Variants in SMARCAL1 observed in about 807,000 individuals in gnomAD.
SMARCAL1 encodes SNF2 related chromatin remodeling annealing helicase 1, also known as ATP-driven annealing helicase.
Under a neutral mutation model 94.5 loss-of-function variants are expected in SMARCAL1, and 58 were observed. The ratio of observed to expected loss-of-function variants is 0.61; its 90% CI spans 0.50 to 0.76. The LOEUF (loss-of-function observed/expected upper bound fraction) is 0.76. SMARCAL1 is among the 30% of genes least tolerant of loss of function. SMARCAL1 has a pLI of 0.00. For missense variants in SMARCAL1, 1,051 were observed against 1,177.9 expected, an observed-to-expected ratio of 0.89 and a Z score of 1.58; for synonymous variants, 422 against 455.1, an observed-to-expected ratio of 0.93 and a Z score of 0.93.
At chr2:216,419,384 G>C (rs984185943) in intron 4 of SMARCAL1, among the ~76,000 whole-genome samples, 2 of 151,990 alleles carry the variant, frequency 1.3e-5, no homozygotes, top group Non-Finnish European at 2.9e-5. Context: ...TTAAAGCATG[G>C]GTTCTTTTTA....
intron 13 of SMARCAL1, among the ~76,000 whole-genome samples, chr2:216,466,062 G>T (rs1440772157): frequency 6.6e-6 from 1 of 152,056 alleles, no homozygotes; most frequent in Non-Finnish European, 1.5e-5. Flanking sequence ...CATCTGAGTT[G>T]CCCCCGCTGA....
At chr2:216,435,815 TG>T (rs58586465) in intron 9 of SMARCAL1, among the ~76,000 whole-genome samples, 5,330 of 152,254 alleles carry the variant, frequency 0.035, 205 homozygotes, top group East Asian at 0.16. Context: ...CCAGGCCACC[TG>T]GGGGCTCTGG....
At chr2:216,446,862 C>T in intron 10 of SMARCAL1, 156 bp from the exon 11 acceptor site, 2 of 759,978 alleles carry the variant, frequency 2.6e-6, no homozygotes, top group Admixed American at 2.0e-5. Context: ...AAGGAGATGC[C>T]ATCTAACTGC....
intron 12 of SMARCAL1, among the ~76,000 whole-genome samples, chr2:216,457,066 T>C: frequency 6.6e-6 from 1 of 152,174 alleles, no homozygotes; most frequent in Non-Finnish European, 1.5e-5. Flanking sequence ...AAACAGACTT[T>C]AAACCAACAA....
intron 10 of SMARCAL1, 22 bp downstream of exon 10, chr2:216,438,507 G>A (rs562074009): frequency 6.2e-7 from 1 of 1,606,398 alleles, no homozygotes; most frequent in South Asian, 1.1e-5. Flanking sequence ...TGAGAACTGA[G>A]CCCACTGAGC....
intron 4 of SMARCAL1, among the ~76,000 whole-genome samples, chr2:216,416,673 A>G (rs1011918256): frequency 1.3e-5 from 2 of 152,196 alleles, no homozygotes; most frequent in African/African-American, 2.4e-5. Context: ...CTGGGATTCA[A>G]ACCCTGACAG....
chr2:216,422,741 C>T (rs1693751609), intron 5 of SMARCAL1, among the ~76,000 whole-genome samples: 1 of 152,180 alleles, frequency 6.6e-6, no homozygotes, highest in Non-Finnish European at 1.5e-5. Flanking sequence ...AGGAATCATA[C>T]AGTGAAGAAT....
chr2:216,461,352 A>G (rs1694697375), intron 12 of SMARCAL1, among the ~76,000 whole-genome samples: 1 of 152,064 alleles, frequency 6.6e-6, no homozygotes, highest in Non-Finnish European at 1.5e-5. Context: ...TTATGTGTGT[A>G]TATGTTGCTT....
intron 10 of SMARCAL1, among the ~76,000 whole-genome samples, chr2:216,444,124 C>T (rs1574463880): frequency 2.6e-5 from 4 of 152,162 alleles, no homozygotes; most frequent in Non-Finnish European, 5.9e-5. Flanking sequence ...CTTCAATGTC[C>T]CTGCCACATC....
rs1429164337 is a variant in SMARCAL1 at position 216,415,278 on chromosome 2, G to A, written c.574G>A (p.Ala192Thr). The part of the protein sequence containing the change: ...GQPPRDAKLE[A>T]KTAKASPSGQ... ...GCCTCCCAGGGATGCTAAGTTAGAG[G>A]CCAAGACAGCAAAAGCCTCCCCTTC... The change falls in exon 3 of 18, where the codon GCC becomes ACC. Residue 192 changes from alanine to threonine, a missense_variant. Physicochemically the swap from Ala to Thr is moderately conservative, Grantham distance 58. Around this residue, in one of 3 missense-constraint regions of SMARCAL1, gnomAD observed 398 missense variants for 395.2 expected, o/e 1.01. Transcript: ENST00000357276. 3.7e-6 allele frequency: 6 copies of A among 1,614,088 alleles called. No homozygotes were observed. Among genetic ancestry groups the A allele is most frequent in the Non-Finnish European group, 3.4e-6 (4 of 1,180,046 alleles).
intron 9 of SMARCAL1, among the ~76,000 whole-genome samples, chr2:216,437,220 T>A (rs1332421091): frequency 1.3e-5 from 2 of 152,270 alleles, no homozygotes; most frequent in Non-Finnish European, 2.9e-5. Flanking sequence ...CCATATCCTC[T>A]GTACTTTCTG....
chr2:216,454,732 G>A (rs1694524245), intron 12 of SMARCAL1, among the ~76,000 whole-genome samples: 1 of 152,176 alleles, frequency 6.6e-6, no homozygotes, highest in Non-Finnish European at 1.5e-5. Flanking sequence ...GTTCCAAGAT[G>A]GCCGAATAGG....
chr2:216,428,459 A>C, intron 6 of SMARCAL1, 137 bp from the exon 7 acceptor site: 2 of 805,354 alleles, frequency 2.5e-6, no homozygotes, highest in Non-Finnish European at 4.2e-6. Flanking sequence ...CCTGACTAGA[A>C]GAGATTTCTC....
At position 216,475,280 on chromosome 2, in the gene SMARCAL1, C is replaced by A. The variant is rs147417446; in HGVS notation, c.2256C>A (p.His752Gln). The change falls in exon 15 of 18, where the codon CAC becomes CAA. Residue 752 changes from histidine (H) to glutamine (Q), a missense_variant. Physicochemically the swap from His to Gln is conservative, Grantham distance 24. This residue lies in a region of SMARCAL1 where 642 missense variants were observed against 754.7 expected (regional missense o/e 0.85). Transcript: ENST00000357276. This position sits in a 1 kb window ranked among gnomAD's most constrained non-coding sequence, Gnocchi z 4.4. ...TQELERKHVQ[H>Q]IRIDGSTSSA... Reference sequence around the variant, plus strand: ...CCTTGTTCCTGCAGCACGTGCAGCACATCCGCATCGATGGCTCCACCTCAT... The same window carrying A: ...CCTTGTTCCTGCAGCACGTGCAGCAAATCCGCATCGATGGCTCCACCTCAT... The A allele has an allele frequency of 1.9e-6, 3 of 1,614,226 alleles. No individual in the cohort carries two copies. The highest frequency in any genetic ancestry group is 2.5e-6 in the Non-Finnish European group (3 of 1,180,038).
At chr2:216,456,059 G>A (rs925693487) in intron 12 of SMARCAL1, among the ~76,000 whole-genome samples, 1 of 152,336 alleles carries the variant, frequency 6.6e-6, no homozygotes, top group African/African-American at 2.4e-5. Context: ...GAATGCATAA[G>A]CTTCAGTAGC....
chr2:216,457,314 G>A (rs930083989), intron 12 of SMARCAL1, among the ~76,000 whole-genome samples: 1 of 152,166 alleles, frequency 6.6e-6, no homozygotes, highest in African/African-American at 2.4e-5. Context: ...TCCTGGAATT[G>A]AGCTCAGCTC....
chr2:216,461,889 A>G (rs1041349564), intron 12 of SMARCAL1, among the ~76,000 whole-genome samples: 2 of 152,056 alleles, frequency 1.3e-5, no homozygotes. Context: ...TCACACGGCT[A>G]TAATTTTGCT....
chr2:216,416,651 T>C (rs1693610224), intron 4 of SMARCAL1, among the ~76,000 whole-genome samples: 1 of 152,194 alleles, frequency 6.6e-6, no homozygotes, highest in Non-Finnish European at 1.5e-5. Flanking sequence ...ACATAGCCAA[T>C]AAGTTGTACA....
rs528703176 is a variant in SMARCAL1 at position 216,438,395 on chromosome 2, C to T, written c.1645-25C>T. Reference sequence around the variant, plus strand: ...TGTCCACTCAGGATTGGATCTTGTACACTTATGTGGCTACTTCTTTTCAGG... The same window carrying T: ...TGTCCACTCAGGATTGGATCTTGTATACTTATGTGGCTACTTCTTTTCAGG... On this transcript the variant is annotated intron_variant, in intron 9 of 17. Coordinates refer to ENST00000357276, the MANE Select transcript of SMARCAL1 (RefSeq NM_014140.4). 8.7e-6 allele frequency: 14 copies of T among 1,606,558 alleles called. No homozygotes were observed. In the Admixed American group the frequency reaches 1.7e-4, roughly 19 times the overall value.
Sources: allele counts gnomAD v4.1 joint callset (sites outside exome capture counted in the v4.1 genomes callset), GRCh38; gene constraint gnomAD v4.1.1; regional missense constraint gnomAD v4.1.1; non-coding constraint Gnocchi (gnomAD v3.1); transcripts MANE v1.5; gene names NCBI Gene and HGNC (gene_info 2026-07-23, HGNC 2026-07-21).